Variants in CHN1 observed in about 807,000 individuals in gnomAD.
The protein encoded by CHN1 is chimerin 1, also known as N-chimaerin.
CHN1 carries 37 observed loss-of-function variants against 59.5 expected under a neutral mutation model. That is an observed-to-expected ratio of 0.62 (90% CI 0.48 to 0.82). The LOEUF (loss-of-function observed/expected upper bound fraction) is 0.82, where lower values mean the gene tolerates loss of function less well. Ranked by LOEUF, CHN1 falls within the 40% of genes least tolerant of loss-of-function variation. CHN1 has a pLI of 0.00. For missense variants in CHN1, 469 were observed against 571.0 expected, an observed-to-expected ratio of 0.82 and a Z score of 1.82; for synonymous variants, 206 against 200.4, an observed-to-expected ratio of 1.03 and a Z score of -0.24.
At chr2:174,827,944 G>A (rs1042094433) in intron 7 of CHN1, among the ~76,000 whole-genome samples, 2 of 152,138 alleles carry the variant, frequency 1.3e-5, no homozygotes, top group Non-Finnish European at 2.9e-5. Context: ...TCATAAGAAA[G>A]AGAGGGTCAC....
At chr2:175,002,180 T>C (rs1691912436) in intron 1 of CHN1, among the ~76,000 whole-genome samples, 1 of 152,190 alleles carries the variant, frequency 6.6e-6, no homozygotes, top group Non-Finnish European at 1.5e-5. Flanking sequence ...AATTGGGGGA[T>C]TTAAAAACTA....
intron 7 of CHN1, among the ~76,000 whole-genome samples, chr2:174,840,479 A>G (rs532977081): frequency 5.9e-5 from 9 of 152,044 alleles, no homozygotes; most frequent in African/African-American, 2.2e-4. Flanking sequence ...AACCCTTCCT[A>G]TGACCTTCTC....
intron 1 of CHN1, among the ~76,000 whole-genome samples, chr2:174,979,880 A>AAAAAC (rs567540328): frequency 0.01 from 1,549 of 152,160 alleles, 31 homozygotes; most frequent in African/African-American, 0.035. Flanking sequence ...ACTCCATCTC[A>AAAAAC]AAAACAAAAC....
intron 1 of CHN1, among the ~76,000 whole-genome samples, chr2:174,964,541 ATG>A (rs1257033700): frequency 2.0e-5 from 3 of 152,206 alleles, no homozygotes; most frequent in Non-Finnish European, 1.5e-5. Flanking sequence ...CTTGAACTGC[ATG>A]TACTACCAGA....
At chr2:174,991,973 A>G (rs756898235) in intron 1 of CHN1, among the ~76,000 whole-genome samples, 2 of 152,262 alleles carry the variant, frequency 1.3e-5, no homozygotes, top group African/African-American at 4.8e-5. Flanking sequence ...AATAAGATAC[A>G]TAACTATTAC....
intron 6 of CHN1, among the ~76,000 whole-genome samples, chr2:174,849,942 A>G (rs1221913829): frequency 6.6e-6 from 1 of 152,228 alleles, no homozygotes; most frequent in African/African-American, 2.4e-5. Flanking sequence ...TGGTTTCTCT[A>G]GTTACCTTCT....
rs557769053 is a variant in CHN1, at chr2:174,885,123, T to TA, written c.261-6996dup. ...TAACATGGTGAAACCCCATCTCTAC[T>TA]AAAAAAAAAAAAAATCAGCCAGGCG... On this transcript the variant is annotated intron_variant, in intron 5 of 12. Coordinates refer to ENST00000409900, the MANE Select transcript of CHN1 (RefSeq NM_001822.7). Among the ~76,000 whole-genome samples the TA allele has an allele frequency of 9.7e-3, 1,307 of 134,964 alleles. 8 individuals carry two copies. The highest frequency in any genetic ancestry group is 0.018 in the African/African-American group (685 of 37,292). 88.5% of individuals were successfully genotyped at this position (134,964 alleles called of 152,430 possible).
In CHN1 at chr2:174,798,886, G is replaced by C. The variant is rs1325921223; in HGVS notation, c.*1230C>G. On this transcript the variant is annotated 3_prime_UTR_variant, in exon 13 of 13. Coordinates refer to ENST00000409900, the MANE Select transcript of CHN1 (RefSeq NM_001822.7). ...GTTCTAGAAAGGTGTTCATCTGATA[G>C]GCACAGAAACAGACTCTGGAGGGTT... Among the ~76,000 whole-genome samples the C allele has an allele frequency of 6.6e-6, 1 of 152,202 alleles. No homozygotes were observed. The highest frequency in any genetic ancestry group is 6.5e-5 in the Admixed American group (1 of 15,278).
intron 2 of CHN1, among the ~76,000 whole-genome samples, chr2:174,946,732 T>C (rs574573609): frequency 6.6e-6 from 1 of 151,910 alleles, no homozygotes; most frequent in South Asian, 2.1e-4. Context: ...ATCTCCATCC[T>C]CCTTAAAAAT....
chr2:174,943,182 TTGTGTG>T (rs3056103), intron 3 of CHN1, among the ~76,000 whole-genome samples: 45,467 of 149,696 alleles, frequency 0.3, 7,802 homozygotes, highest in Admixed American at 0.44. Flanking sequence ...TAGGGTTTGC[TTGTGTG>T]TGTGTGTGTG....
chr2:174,957,967 A>G (rs1455140324), intron 1 of CHN1, among the ~76,000 whole-genome samples: 2 of 152,164 alleles, frequency 1.3e-5, no homozygotes, highest in African/African-American at 2.4e-5. Context: ...CGAGGCCGGG[A>G]GAGCTTCTCT....
intron 1 of CHN1, among the ~76,000 whole-genome samples, chr2:174,975,597 G>C (rs1052666384): frequency 6.6e-6 from 1 of 150,998 alleles, no homozygotes; most frequent in South Asian, 2.1e-4. Flanking sequence ...TTACCACCCA[G>C]GTCCATAAGC....
chr2:174,984,070 AT>A (rs1306681136), intron 1 of CHN1, among the ~76,000 whole-genome samples: 3 of 149,998 alleles, frequency 2.0e-5, no homozygotes, highest in Admixed American at 6.6e-5. Flanking sequence ...TTTTTTTTTC[AT>A]TTTCAGAAAT....
chr2:174,904,984 C>A (rs531557937), intron 5 of CHN1, among the ~76,000 whole-genome samples: 5 of 152,150 alleles, frequency 3.3e-5, no homozygotes, highest in Non-Finnish European at 7.3e-5. Context: ...ACGTACCACA[C>A]ATTATCACCT....
At chr2:174,957,896 C>A (rs1690264073) in intron 1 of CHN1, among the ~76,000 whole-genome samples, 1 of 152,178 alleles carries the variant, frequency 6.6e-6, no homozygotes, top group Admixed American at 6.5e-5. Flanking sequence ...AGTTAAGGAA[C>A]CACATGGACA....
chr2:174,849,878 C>G (rs1686671351), intron 6 of CHN1, among the ~76,000 whole-genome samples: 1 of 152,154 alleles, frequency 6.6e-6, no homozygotes, highest in Non-Finnish European at 1.5e-5. Context: ...TATATCCACC[C>G]AGGTGAGAAA....
Position 175,005,314 on chromosome 2 carries a change from C to A in CHN1, c.-402G>T. ...AGAGCAGCAGCAGCCTCGCACAGCC[C>A]CCGGCGGGGCGCGCTCACTCCGCAT... On this transcript the variant is annotated 5_prime_UTR_variant, in exon 1 of 13. Transcript: ENST00000409900. 1.7e-6 allele frequency: 2 copies of A among 1,186,474 alleles called. No individual in the cohort carries two copies. The highest frequency in any genetic ancestry group is 3.4e-5 in the Admixed American group (1 of 29,032). The allele number at this position is 1,186,474 out of a possible 1,614,324, so 73.5% of individuals were successfully genotyped here.
At chr2:174,957,054 T>C (rs372066279) in intron 1 of CHN1, among the ~76,000 whole-genome samples, 10 of 152,166 alleles carry the variant, frequency 6.6e-5, no homozygotes, top group African/African-American at 2.4e-4. Context: ...GTATATACCG[T>C]TGATTCATTA....
chr2:174,952,081 G>C (rs545429925), intron 2 of CHN1, 83 bp downstream of exon 2: 4 of 834,288 alleles, frequency 4.8e-6, no homozygotes, highest in Non-Finnish European at 6.9e-6. Flanking sequence ...GTACAAAATG[G>C]AATGAGTATT....
Sources: allele counts gnomAD v4.1 joint callset (sites outside exome capture counted in the v4.1 genomes callset), GRCh38; gene constraint gnomAD v4.1.1; transcripts MANE v1.5; gene names NCBI Gene and HGNC (gene_info 2026-07-23, HGNC 2026-07-21).